The following PLEKHG3 variants were observed in gnomAD, a reference collection of about 807,000 sequenced individuals.
PLEKHG3 encodes the protein pleckstrin homology and RhoGEF domain containing G3.
PLEKHG3 carries 62 observed loss-of-function variants against 94.9 expected under a neutral mutation model. The observed-to-expected ratio is 0.65, with a 90% CI of 0.53 to 0.81. The LOEUF (loss-of-function observed/expected upper bound fraction) is 0.81. PLEKHG3 is among the 30% of genes least tolerant of loss of function. PLEKHG3 has a pLI of 0.00. For synonymous variants in PLEKHG3, 614 were observed against 654.0 expected (o/e 0.94, Z 0.93); for missense variants, 1,461 against 1,619.3 (o/e 0.90, Z 1.68).
Position 64,716,227 on chromosome 14 carries a change from G to A in PLEKHG3, c.-39-11366G>A, listed in dbSNP as rs1170847762. On this transcript the variant is annotated intron_variant, in intron 1 of 16. Coordinates refer to ENST00000247226, the MANE Select transcript of PLEKHG3 (RefSeq NM_001308147.2). This position sits in a 1 kb window ranked among gnomAD's most constrained non-coding sequence, Gnocchi z 5.0. The stretch of plus-strand genomic sequence containing the variant: ...ATCACAGGCTTTAGGGTAAAAGGCA[G>A]GTTTTTCCCTTGTGGGTTAGACACT... 3 of 357,854 alleles carry A rather than the reference G, an allele frequency of 8.4e-6. No individual in the cohort carries two copies. Among genetic ancestry groups the A allele is most frequent in the Non-Finnish European group, 1.7e-5 (3 of 179,256 alleles). 22.2% of individuals were successfully genotyped at this position (357,854 alleles called of 1,614,324 possible). A position where few individuals can be genotyped will look rare whatever the true frequency, so the allele number is the denominator to read the frequency against.
In PLEKHG3 at chr14:64,743,568, G is replaced by A; in HGVS notation, c.3525G>A (p.Gly1175=). 1 of 1,612,966 alleles carries A rather than the reference G, an allele frequency of 6.2e-7. No individual in the cohort carries two copies. The highest frequency in any genetic ancestry group is 2.2e-5 in the East Asian group (1 of 44,874). ...QGPSSPVALL[G]QVQDFQQSAE... ...CAAGCTCACCGGTGGCCCTGCTGGG[G>A]CAGGTTCAGGACTTCCAGCAGTCTG... The change falls in exon 17 of 17, where the codon GGG becomes GGA. Residue 1175 remains glycine, a synonymous_variant. Coordinates refer to ENST00000247226, the MANE Select transcript of PLEKHG3 (RefSeq NM_001308147.2). This position sits in a 1 kb window ranked among gnomAD's most constrained non-coding sequence, Gnocchi z 7.2.
rs2081641381 is a variant in PLEKHG3 at position 64,739,469 on chromosome 14, T to C, written c.1518+614T>C. ...GTGGGTTGTAGGAAGCAGCATCCTT[T>C]ACTTTCCCAAAGTTATAAGGGAAAG... is the stretch of plus-strand genomic sequence containing the variant. On this transcript the variant is annotated intron_variant, in intron 15 of 16. Coordinates refer to ENST00000247226, the MANE Select transcript of PLEKHG3 (RefSeq NM_001308147.2). The surrounding 1 kb of genome is among the most constrained non-coding windows in gnomAD (Gnocchi z 4.1). Among the ~76,000 whole-genome samples the C allele has an allele frequency of 6.6e-6, 1 of 152,206 alleles. No individual in the cohort carries two copies. The highest frequency in any genetic ancestry group is 1.5e-5 in the Non-Finnish European group (1 of 68,036).
In PLEKHG3 at chr14:64,731,384, C is replaced by A; in HGVS notation, c.873C>A (p.Asn291Lys). The change falls in exon 8 of 17, where the codon AAC becomes AAA. Residue 291 changes from asparagine to lysine, a missense_variant. Around this residue, in one of 3 missense-constraint regions of PLEKHG3, gnomAD observed 1,201 missense variants for 1,295.5 expected, o/e 0.93. Transcript: ENST00000247226. The surrounding 1 kb of genome is among the most constrained non-coding windows in gnomAD (Gnocchi z 6.1). ...RLQEIQSLLI[N>K]WKGPDLTTYG... Reference sequence around the variant, plus strand: ...AGGAGATTCAGTCACTCCTCATCAACTGGAAGGGGCCCGACCTGACCACCT... The same window carrying A: ...AGGAGATTCAGTCACTCCTCATCAAATGGAAGGGGCCCGACCTGACCACCT... 3 of 1,613,862 alleles carry A rather than the reference C, an allele frequency of 1.9e-6. No homozygotes were observed. Among genetic ancestry groups the A allele is most frequent in the Non-Finnish European group, 2.5e-6 (3 of 1,179,922 alleles).
At position 64,743,224 on chromosome 14, in the gene PLEKHG3, G is replaced by A. The variant is rs767449189; in HGVS notation, c.3181G>A (p.Asp1061Asn). 18 of 1,608,504 alleles carry A rather than the reference G, an allele frequency of 1.1e-5. No homozygotes were observed. The highest frequency in any genetic ancestry group is 1.4e-5 in the Non-Finnish European group (17 of 1,179,492). ...RELCSKYASRDEARRAGGGRP... is the reference protein window; with the variant it reads ...RELCSKYASRNEARRAGGGRP... ...GCTCTGCTCCAAGTATGCCTCCCGC[G>A]ATGAGGCACGCCGAGCAGGGGGCGG... is the stretch of plus-strand genomic sequence containing the variant. Residue 1061 changes from aspartate (D) to asparagine (N), a missense_variant, in exon 17 of 17, where the codon GAT (aspartate) becomes AAT (asparagine). Physicochemically the swap from Asp to Asn is conservative, Grantham distance 23. This residue lies in a region of PLEKHG3 where 1,201 missense variants were observed against 1,295.5 expected (regional missense o/e 0.93). Coordinates refer to ENST00000247226, the MANE Select transcript of PLEKHG3 (RefSeq NM_001308147.2). This position sits in a 1 kb window ranked among gnomAD's most constrained non-coding sequence, Gnocchi z 7.2.
At chr14:64,711,669 C>T (rs2081068417) in intron 1 of PLEKHG3, among the ~76,000 whole-genome samples, 1 of 152,162 alleles carries the variant, frequency 6.6e-6, no homozygotes. Context: ...GCCTTGGCCT[C>T]CCAAAGTGCT....
Position 64,715,940 on chromosome 14 carries a change from C to T in PLEKHG3, c.-40+11236C>T, listed in dbSNP as rs1566693289. 4 of 433,284 alleles carry T rather than the reference C, an allele frequency of 9.2e-6. No homozygotes were observed. Among genetic ancestry groups the T allele is most frequent in the South Asian group, 4.9e-5 (3 of 61,828 alleles). 26.8% of individuals were successfully genotyped at this position (433,284 alleles called of 1,614,324 possible). ...TTTATTGACGAAGTTTTGCAGGAGGCGGCGGGCGCTTTAATTCCCGAGGCT... is the reference window on the plus strand; with the variant it reads ...TTTATTGACGAAGTTTTGCAGGAGGTGGCGGGCGCTTTAATTCCCGAGGCT... On this transcript the variant is annotated intron_variant, in intron 1 of 16. Coordinates refer to ENST00000247226, the MANE Select transcript of PLEKHG3 (RefSeq NM_001308147.2). The surrounding 1 kb of genome is among the most constrained non-coding windows in gnomAD (Gnocchi z 4.4).
intron 15 of PLEKHG3, among the ~76,000 whole-genome samples, chr14:64,740,284 G>A (rs916383655): frequency 2.0e-5 from 3 of 151,496 alleles, no homozygotes; most frequent in Non-Finnish European, 2.9e-5. Context: ...CTTATAATTA[G>A]TGTTTGCTCT....
chr14:64,741,738 A>G lies in PLEKHG3; in HGVS notation c.2221A>G (p.Ser741Gly). 1 of 1,613,098 alleles carries G rather than the reference A, an allele frequency of 6.2e-7. No homozygotes were observed. Among genetic ancestry groups the G allele is most frequent in the Non-Finnish European group, 8.5e-7 (1 of 1,180,024 alleles). ...DAGFSVRRRESLSYIPKGLVR... is the reference protein window; with the variant it reads ...DAGFSVRRREGLSYIPKGLVR... ...AGGCTTCAGCGTCCGTCGCCGGGAG[A>G]GCCTCTCCTACATCCCCAAAGGACT... The change falls in exon 16 of 17, where the codon AGC (serine) becomes GGC (glycine). Residue 741 changes from serine (S) to glycine (G), a missense_variant. Ser to Gly is a moderately conservative substitution (Grantham distance 56). This residue lies in a region of PLEKHG3 where 1,201 missense variants were observed against 1,295.5 expected (regional missense o/e 0.93). Transcript: ENST00000247226.
In PLEKHG3 at chr14:64,743,741, T is replaced by G. The variant is rs1386298968; in HGVS notation, c.*38T>G. The G allele has an allele frequency of 6.6e-7, 1 of 1,506,988 alleles. No homozygotes were observed. Among genetic ancestry groups the G allele is most frequent in the Non-Finnish European group, 8.8e-7 (1 of 1,133,198 alleles). The allele number at this position is 1,506,988 out of a possible 1,614,324, so 93.4% of individuals were successfully genotyped here. On this transcript the variant is annotated 3_prime_UTR_variant, in exon 17 of 17. Coordinates refer to ENST00000247226, the MANE Select transcript of PLEKHG3 (RefSeq NM_001308147.2). The surrounding 1 kb of genome is among the most constrained non-coding windows in gnomAD (Gnocchi z 7.2). Reference sequence around the variant, plus strand: ...GGGGAGGGAGGAGTCATGTTGGAGGTTGGGGAAGAACCTGGGCATCCTTCC... The same window carrying G: ...GGGGAGGGAGGAGTCATGTTGGAGGGTGGGGAAGAACCTGGGCATCCTTCC...
At position 64,704,447 on chromosome 14, in the gene PLEKHG3, C is replaced by CG. The variant is rs1566686695; in HGVS notation, c.-297_-296insG. On this transcript the variant is annotated 5_prime_UTR_variant, in exon 1 of 17. Transcript: ENST00000247226. The surrounding 1 kb of genome is among the most constrained non-coding windows in gnomAD (Gnocchi z 5.6). Reference sequence around the variant, plus strand: ...TCGCTCCCTCGCTCCCTCGCTCCCTCCTGCCCTCCCGCTGCAGCTCCGGCT... The same window carrying CG: ...TCGCTCCCTCGCTCCCTCGCTCCCTCGCTGCCCTCCCGCTGCAGCTCCGGCT... 173 of 163,616 alleles carry CG rather than the reference C, an allele frequency of 1.1e-3. No homozygotes were observed. Among genetic ancestry groups the CG allele is most frequent in the African/African-American group, 3.8e-3 (157 of 41,490 alleles). The allele number at this position is 163,616 out of a possible 1,614,324, so 10.1% of individuals were successfully genotyped here. A position where few individuals can be genotyped will look rare whatever the true frequency, so the allele number is the denominator to read the frequency against.
Position 64,720,235 on chromosome 14 carries a change from T to C in PLEKHG3, c.-39-7358T>C, listed in dbSNP as rs1390415637. Among the ~76,000 whole-genome samples the C allele has an allele frequency of 6.6e-6, 1 of 152,186 alleles. No homozygotes were observed. The highest frequency in any genetic ancestry group is 1.9e-4 in the East Asian group (1 of 5,186). ...TCCCAGTCTCTTGTGGCTGGTCACC[T>C]AGTATGTAGCCCAGCGGGGCAGCTA... On this transcript the variant is annotated intron_variant, in intron 1 of 16. Transcript: ENST00000247226. The surrounding 1 kb of genome is among the most constrained non-coding windows in gnomAD (Gnocchi z 4.1).
At chr14:64,712,197 T>TA (rs748896383) in intron 1 of PLEKHG3, among the ~76,000 whole-genome samples, 109 of 152,346 alleles carry the variant, frequency 7.2e-4, no homozygotes, top group Non-Finnish European at 1.2e-3. Flanking sequence ...TGTCTGCCCT[T>TA]ACACCGGTAC....
intron 13 of PLEKHG3, chr14:64,737,114 G>C (rs1459407324): frequency 1.5e-6 from 1 of 645,554 alleles, no homozygotes; most frequent in African/African-American, 1.8e-5. Context: ...CTTTCCTCCG[G>C]AAACAATGAG....
Position 64,727,663 on chromosome 14 carries a change from G to T in PLEKHG3, c.32G>T (p.Gly11Val). ...GTGTCCACCTCCCTCCACCAGGATG[G>T]CAGCCAGGAGCGGCCGGTGAGCCTG... MPVSTSLHQD[G>V]SQERPVSLTS... is the part of the protein sequence containing the mutation. Residue 11 changes from glycine to valine, a missense_variant, in exon 2 of 17, where the codon GGC becomes GTC. Physicochemically the swap from Gly to Val is moderately radical, Grantham distance 109. Around this residue, in one of 3 missense-constraint regions of PLEKHG3, gnomAD observed 253 missense variants for 297.8 expected, o/e 0.85. Coordinates refer to ENST00000247226, the MANE Select transcript of PLEKHG3 (RefSeq NM_001308147.2). This position sits in a 1 kb window ranked among gnomAD's most constrained non-coding sequence, Gnocchi z 6.0. The T allele has an allele frequency of 5.0e-6, 8 of 1,612,348 alleles. No homozygotes were observed. The highest frequency in any genetic ancestry group is 6.8e-6 in the Non-Finnish European group (8 of 1,179,592).
At position 64,730,767 on chromosome 14, in the gene PLEKHG3, C is replaced by A. The variant is rs747763775; in HGVS notation, c.567-32C>A. ...CCCACTTCCTCATCCAGGCCTTCCC[C>A]AGGTGGTGACTGGCCCTTCTCCCAC... On this transcript the variant is annotated intron_variant, in intron 5 of 16. Coordinates refer to ENST00000247226, the MANE Select transcript of PLEKHG3 (RefSeq NM_001308147.2). This position sits in a 1 kb window ranked among gnomAD's most constrained non-coding sequence, Gnocchi z 5.4. 1 of 1,612,372 alleles carries A rather than the reference C, an allele frequency of 6.2e-7. No individual in the cohort carries two copies.
chr14:64,724,295 T>C (rs1399425105), intron 1 of PLEKHG3, among the ~76,000 whole-genome samples: 1 of 152,104 alleles, frequency 6.6e-6, no homozygotes, highest in Non-Finnish European at 1.5e-5. Context: ...CGGTGCCTCC[T>C]GACAGTCTGC....
In PLEKHG3 at chr14:64,742,903, G is replaced by T; in HGVS notation, c.2939-79G>T. 2.1e-6 allele frequency: 3 copies of T among 1,434,630 alleles called. No individual in the cohort carries two copies. In the Admixed American group the frequency reaches 5.3e-5, roughly 25 times the overall value. 88.9% of individuals were successfully genotyped at this position (1,434,630 alleles called of 1,614,324 possible). A position where few individuals can be genotyped will look rare whatever the true frequency, so the allele number is the denominator to read the frequency against. On this transcript the variant is annotated intron_variant, in intron 16 of 16. Coordinates refer to ENST00000247226, the MANE Select transcript of PLEKHG3 (RefSeq NM_001308147.2). ...ACAACCAGCCTTGCCTGGAAAGTGA[G>T]TTGGGGCCTGCTCAGAGCACCCCCT... is the stretch of plus-strand genomic sequence containing the variant.
rs1186116775 is a variant in PLEKHG3 at position 64,747,398 on chromosome 14, TACAG to T, written c.*3697_*3700del. ...ACCTCACTGCCTTGGTTTCCCCAGA[TACAG>T]AAAGAGGCTGGTGAGTGATACACAC... On this transcript the variant is annotated 3_prime_UTR_variant, in exon 17 of 17. Coordinates refer to ENST00000247226, the MANE Select transcript of PLEKHG3 (RefSeq NM_001308147.2). The T allele has an allele frequency of 3.3e-5, 5 of 152,682 alleles. No homozygotes were observed. Among genetic ancestry groups the T allele is most frequent in the African/African-American group, 1.2e-4 (5 of 41,454 alleles). The allele number at this position is 152,682 out of a possible 1,614,324, so 9.5% of individuals were successfully genotyped here.
chr14:64,709,857 ATAAGTATTTGTTGAATAAG>A (rs1159053658), intron 1 of PLEKHG3, among the ~76,000 whole-genome samples: 4 of 152,078 alleles, frequency 2.6e-5, no homozygotes, highest in African/African-American at 9.7e-5. Context: ...TAGGATTCCA[ATAAGTATTTGTTGAATAAG>A]TAAGTAAAAC....
Sources: gnomAD v4.1 joint callset for allele counts (sites outside exome capture counted in the v4.1 genomes callset) on GRCh38, gnomAD v4.1.1 for gene constraint, gnomAD v4.1.1 regional missense constraint, Gnocchi (gnomAD v3.1) non-coding constraint, MANE v1.5 for transcripts, NCBI Gene and HGNC (gene_info 2026-07-23, HGNC 2026-07-21) for gene names.